The following LAMB1 variants were observed in gnomAD, a reference collection of about 807,000 sequenced individuals.
The protein encoded by LAMB1 is laminin subunit beta 1.
LAMB1 carries 121 observed loss-of-function variants against 222.3 expected under a neutral mutation model. That is an observed-to-expected ratio of 0.54 (90% CI 0.47 to 0.63). The LOEUF (loss-of-function observed/expected upper bound fraction) is 0.63, where lower values mean the gene tolerates loss of function less well. Ranked by LOEUF, LAMB1 falls within the 30% of genes least tolerant of loss-of-function variation. The pLI is 0.00. For missense variants in LAMB1, 2,172 were observed against 2,240.8 expected, an observed-to-expected ratio of 0.97 and a Z score of 0.62; for synonymous variants, 794 against 807.2, an observed-to-expected ratio of 0.98 and a Z score of 0.28.
At chr7:107,946,711 A>T (rs2033124329) in intron 24 of LAMB1, among the ~76,000 whole-genome samples, 1 of 152,244 alleles carries the variant, frequency 6.6e-6, no homozygotes, top group Non-Finnish European at 1.5e-5. Context: ...AAAGAATCGA[A>T]TGAAGTCTGA....
chr7:107,966,460 C>A (rs989906622), intron 13 of LAMB1, among the ~76,000 whole-genome samples: 1 of 152,210 alleles, frequency 6.6e-6, no homozygotes, highest in Non-Finnish European at 1.5e-5. Context: ...CCATCTGCTT[C>A]GGTCTCCCAA....
intron 7 of LAMB1, among the ~76,000 whole-genome samples, chr7:107,985,265 T>G (rs907989272): frequency 6.6e-6 from 1 of 152,140 alleles, no homozygotes; most frequent in Non-Finnish European, 1.5e-5. Context: ...ATGAAAAAGG[T>G]AGATTTAGCA....
intron 5 of LAMB1, among the ~76,000 whole-genome samples, chr7:107,991,260 C>T (rs1322177365): frequency 6.6e-6 from 1 of 152,064 alleles, no homozygotes; most frequent in Non-Finnish European, 1.5e-5. Flanking sequence ...CAAATTTTGG[C>T]AAGAAATGAT....
chr7:107,966,266 A>G (rs538015147), intron 13 of LAMB1, among the ~76,000 whole-genome samples: 1 of 152,090 alleles, frequency 6.6e-6, no homozygotes, highest in Admixed American at 6.5e-5. Flanking sequence ...GCTGGAGTAC[A>G]GTGGAACGAT....
rs115559402 is a variant in LAMB1, at chr7:107,973,085, C to T, written c.1483-14G>A. The T allele has an allele frequency of 2.3e-4, 369 of 1,609,696 alleles. 2 individuals carry two copies. The African/African-American group carries it at 3.9e-3, about 17-fold the overall frequency. On this transcript the variant is annotated splice_polypyrimidine_tract_variant and intron_variant, in intron 12 of 33. Coordinates refer to ENST00000222399, the MANE Select transcript of LAMB1 (RefSeq NM_002291.3). ...CCAGTGCTCTGGCTGCAGAACAAAA[C>T]GTGAAACATGTAACGGTAGGTTTCT...
intron 13 of LAMB1, among the ~76,000 whole-genome samples, chr7:107,968,008 G>A (rs940597488): frequency 6.6e-6 from 1 of 152,132 alleles, no homozygotes; most frequent in Non-Finnish European, 1.5e-5. Context: ...AATAACAGGA[G>A]CAAAGAGGGT....
At chr7:107,991,905 C>CA (rs71134302) in intron 5 of LAMB1, among the ~76,000 whole-genome samples, 58,363 of 91,790 alleles carry the variant, frequency 0.64, 17,583 homozygotes, top group African/African-American at 0.68. Context: ...GACTTCGTCT[C>CA]AAAAAAAAAA....
intron 4 of LAMB1, among the ~76,000 whole-genome samples, chr7:107,996,749 T>C (rs975079827): frequency 1.3e-5 from 2 of 152,208 alleles, no homozygotes; most frequent in Non-Finnish European, 2.9e-5. Flanking sequence ...AAGAAAAACC[T>C]TCCTCTAGAA....
intron 15 of LAMB1, among the ~76,000 whole-genome samples, chr7:107,962,202 C>T (rs1389559606): frequency 6.6e-6 from 1 of 152,210 alleles, no homozygotes; most frequent in African/African-American, 2.4e-5. Context: ...CTGGCTCGGG[C>T]TGGCTGGTGC....
At chr7:107,994,788 G>A in intron 5 of LAMB1, 99 bp downstream of exon 5, 5 of 619,788 alleles carry the variant, frequency 8.1e-6, no homozygotes, top group South Asian at 7.9e-5. Flanking sequence ...TAATATTTAA[G>A]TTCCCATTTA....
intron 26 of LAMB1, 46 bp downstream of exon 26, chr7:107,937,046 AT>A (rs778333970): frequency 6.7e-7 from 1 of 1,485,700 alleles, no homozygotes; most frequent in Non-Finnish European, 9.3e-7. Context: ...CGTTAGACAT[AT>A]CGTTAAATCC....
intron 7 of LAMB1, among the ~76,000 whole-genome samples, chr7:107,984,193 T>G (rs1584531594): frequency 6.6e-6 from 1 of 152,246 alleles, no homozygotes; most frequent in Non-Finnish European, 1.5e-5. Context: ...TATAGCCACG[T>G]GACTAATTCT....
intron 12 of LAMB1, among the ~76,000 whole-genome samples, chr7:107,973,573 G>A (rs529541057): frequency 6.6e-6 from 1 of 152,292 alleles, no homozygotes; most frequent in East Asian, 1.9e-4. Flanking sequence ...TGGAAATAAA[G>A]AGAAATGGAA....
chr7:107,961,822 T>C, intron 15 of LAMB1, 146 bp from the exon 16 acceptor site: 1 of 933,160 alleles, frequency 1.1e-6, no homozygotes, highest in Non-Finnish European at 1.6e-6. Flanking sequence ...CCTCTGCTAC[T>C]CCCCTGGTTC....
chr7:107,945,912 T>A (rs1039103167), intron 24 of LAMB1, among the ~76,000 whole-genome samples: 1 of 152,232 alleles, frequency 6.6e-6, no homozygotes, highest in Non-Finnish European at 1.5e-5. Flanking sequence ...GAAAAGTTTG[T>A]GCCACTTACT....
At chr7:107,994,808 A>C (rs900723461) in intron 5 of LAMB1, 79 bp downstream of exon 5, 50 of 765,048 alleles carry the variant, frequency 6.5e-5, no homozygotes, top group Middle Eastern at 2.6e-4. Flanking sequence ...AGGTCAACTC[A>C]CATCTGACAT....
chr7:107,970,479 ACT>A (rs1196505514), intron 13 of LAMB1, among the ~76,000 whole-genome samples: 4 of 108,338 alleles, frequency 3.7e-5, no homozygotes, highest in African/African-American at 1.2e-4. Flanking sequence ...ACAAAGCGAA[ACT>A]CTGTCTCAAA....
At chr7:107,963,551 C>A (rs2033558138) in intron 14 of LAMB1, among the ~76,000 whole-genome samples, 1 of 152,128 alleles carries the variant, frequency 6.6e-6, no homozygotes, top group South Asian at 2.1e-4. Flanking sequence ...TAATTGTTTA[C>A]AGGGTTATTT....
intron 22 of LAMB1, among the ~76,000 whole-genome samples, chr7:107,952,841 A>G (rs1464023855): frequency 6.6e-6 from 1 of 152,256 alleles, no homozygotes; most frequent in African/African-American, 2.4e-5. Flanking sequence ...GGAAGGCTCT[A>G]TTCCATCAAT....
Sources: allele counts gnomAD v4.1 joint callset (sites outside exome capture counted in the v4.1 genomes callset), GRCh38; gene constraint gnomAD v4.1.1; transcripts MANE v1.5; gene names NCBI Gene and HGNC (gene_info 2026-07-23, HGNC 2026-07-21).